Variants in KDM2B observed in about 807,000 individuals in gnomAD.
KDM2B encodes lysine demethylase 2B.
KDM2B carries 26 observed loss-of-function variants against 150.0 expected under a neutral mutation model. The ratio of observed to expected loss-of-function variants is 0.17; its 90% confidence interval spans 0.13 to 0.24. The LOEUF (loss-of-function observed/expected upper bound fraction) is 0.24, where lower values mean the gene tolerates loss of function less well. Ranked by LOEUF, KDM2B falls within the 10% of genes least tolerant of loss-of-function variation. KDM2B has a pLI of 1.00. For missense variants in KDM2B, 1,265 were observed against 1,816.9 expected, an observed-to-expected ratio of 0.70 and a Z score of 5.52; for synonymous variants, 734 against 729.5, an observed-to-expected ratio of 1.01 and a Z score of -0.10.
chr12:121,560,569 G>A (rs1890261765), intron 4 of KDM2B, among the ~76,000 whole-genome samples: 1 of 151,960 alleles, frequency 6.6e-6, no homozygotes, highest in Non-Finnish European at 1.5e-5. Flanking sequence ...TTTCCCAGGG[G>A]CGAGGCACTG....
chr12:121,460,571 TTTTC>T (rs1351565976), intron 12 of KDM2B, among the ~76,000 whole-genome samples: 1 of 152,156 alleles, frequency 6.6e-6, no homozygotes, highest in Non-Finnish European at 1.5e-5. Flanking sequence ...CTAATTTTTA[TTTTC>T]TTTTTCTTTT....
rs1884524176 is a variant in KDM2B, at chr12:121,501,339, A to T, written c.1648-6674T>A. Among the ~76,000 whole-genome samples, 4 of 152,116 alleles carry T rather than the reference A, an allele frequency of 2.6e-5. No homozygotes were observed. In the South Asian group the frequency reaches 8.3e-4, roughly 32 times the overall value. On this transcript the variant is annotated intron_variant, in intron 11 of 22. Transcript: ENST00000377071. ...TGTTGCAGCAAGCCAAGATCACGTC[A>T]CTGCACTCCATCCAGCCTGTGCCAC...
At chr12:121,516,243 C>T (rs562285417) in intron 9 of KDM2B, 6 of 311,798 alleles carry the variant, frequency 1.9e-5, no homozygotes, top group Admixed American at 4.7e-5. Flanking sequence ...CCATTCTGCT[C>T]GGACACCATG....
intron 12 of KDM2B, among the ~76,000 whole-genome samples, chr12:121,483,701 AAAAC>A (rs782610363): frequency 9.0e-5 from 12 of 132,608 alleles, no homozygotes; most frequent in Non-Finnish European, 1.2e-4. Flanking sequence ...AACAACAAAA[AAAAC>A]AAACAACAAC....
intron 1 of KDM2B, among the ~76,000 whole-genome samples, chr12:121,579,216 G>C (rs1891746490): frequency 6.6e-6 from 1 of 152,220 alleles, no homozygotes; most frequent in Admixed American, 6.5e-5. Context: ...ACCCTCCCCT[G>C]CCCCCCGCCC....
At chr12:121,436,666 AAAG>A (rs539775511) in intron 22 of KDM2B, among the ~76,000 whole-genome samples, 173 of 152,154 alleles carry the variant, frequency 1.1e-3, no homozygotes, top group Non-Finnish European at 3.5e-4. Context: ...GGAAGTTAAG[AAAG>A]AAGAAGTTTT....
At chr12:121,423,665 G>T in the KDM2B span, 1 of 1,109,742 alleles carries the variant, frequency 9.0e-7, no homozygotes, top group South Asian at 1.5e-5. The surrounding 1 kb of genome is among the most constrained non-coding windows in gnomAD (Gnocchi z 4.3). Flanking sequence ...ATGTTCAAAG[G>T]CTGAAGCTAT....
At chr12:121,499,405 G>A (rs531672612) in intron 11 of KDM2B, among the ~76,000 whole-genome samples, 1 of 151,660 alleles carries the variant, frequency 6.6e-6, no homozygotes, top group Non-Finnish European at 1.5e-5. Context: ...ATAGGCGTGA[G>A]CCACCACACC....
At position 121,509,775 on chromosome 12, in the gene KDM2B, C is replaced by A. The variant is rs782034197; in HGVS notation, c.1439G>T (p.Ser480Ile). ...KRTLSNESEE[S>I]VKSTTLAVDY... ...TACGGCCAATGTGGTGGACTTCACA[C>A]TTTCCTCCGACTCATTAGACAAAGT... Residue 480 changes from serine (S) to isoleucine (I), a missense_variant, in exon 11 of 23, where the codon AGT becomes ATT. Around this residue, in one of 11 missense-constraint regions of KDM2B, gnomAD observed 154 missense variants for 162.5 expected, o/e 0.95. Transcript: ENST00000377071. 1 of 1,614,146 alleles carries A rather than the reference C, an allele frequency of 6.2e-7. No individual in the cohort carries two copies. Among genetic ancestry groups the A allele is most frequent in the Non-Finnish European group, 8.5e-7 (1 of 1,180,040 alleles).
At chr12:121,466,289 T>C (rs1879906183) in intron 12 of KDM2B, among the ~76,000 whole-genome samples, 1 of 152,234 alleles carries the variant, frequency 6.6e-6, no homozygotes, top group South Asian at 2.1e-4. Context: ...CAGGTCTACC[T>C]GGCCTGCGTC....
chr12:121,447,968 T>C (rs1272261045), intron 13 of KDM2B, among the ~76,000 whole-genome samples: 5 of 152,126 alleles, frequency 3.3e-5, no homozygotes, highest in Admixed American at 3.3e-4. Context: ...AAATATGTTA[T>C]TTCTATTAAC....
In KDM2B at chr12:121,440,763, C is replaced by G. The variant is rs1040456229; in HGVS notation, c.3610+53G>C. The G allele has an allele frequency of 7.3e-6, 11 of 1,507,160 alleles. No homozygotes were observed. The African/African-American group carries it at 1.2e-4, about 17-fold the overall frequency. 93.4% of individuals were successfully genotyped at this position (1,507,160 alleles called of 1,614,324 possible). A position where few individuals can be genotyped will look rare whatever the true frequency, so the allele number is the denominator to read the frequency against. The stretch of plus-strand genomic sequence containing the variant: ...GGTCTGAGGGTAAAAGCAGATCCAA[C>G]AGTCTAGCTCGCTCACCCCACCCCC... On this transcript the variant is annotated intron_variant, in intron 21 of 22. Transcript: ENST00000377071.
Position 121,443,759 on chromosome 12 carries a change from G to C in KDM2B, c.2486C>G (p.Ser829Cys), listed in dbSNP as rs1555289241. Residue 829 changes from serine to cysteine, a missense_variant, in exon 17 of 23, where the codon TCT (serine) becomes TGT (cysteine). Transcript: ENST00000377071. ...SSLQTSPGSS[S>C]HLSPRPPLGS... ...TAGAGGGGGCCTCGGCGAGAGGTGA[G>C]AGGAGGAACCGGGGGACGTTTGAAG... The C allele has an allele frequency of 6.2e-7, 1 of 1,610,006 alleles. No individual in the cohort carries two copies. The highest frequency in any genetic ancestry group is 2.2e-5 in the East Asian group (1 of 44,884).
intron 8 of KDM2B, among the ~76,000 whole-genome samples, chr12:121,522,891 A>G (rs1490282680): frequency 3.3e-5 from 5 of 152,162 alleles, no homozygotes; most frequent in African/African-American, 1.2e-4. Context: ...AAATGAAGTC[A>G]CCTATCAGGA....
chr12:121,560,653 A>T (rs2136239480), intron 4 of KDM2B, among the ~76,000 whole-genome samples: 1 of 152,056 alleles, frequency 6.6e-6, no homozygotes, highest in Non-Finnish European at 1.5e-5. Context: ...CAGTGGGGGC[A>T]GAGGAAGAGA....
intron 11 of KDM2B, 55 bp from the exon 12 acceptor site, chr12:121,494,720 G>T: frequency 7.2e-7 from 1 of 1,398,350 alleles, no homozygotes; most frequent in Non-Finnish European, 9.9e-7. Context: ...GGTCTCTGAA[G>T]ACAGCTGAAC....
In KDM2B at chr12:121,520,294, T is replaced by TC. The variant is rs1316544728; in HGVS notation, c.1047+690dup. Among the ~76,000 whole-genome samples the TC allele has an allele frequency of 6.6e-6, 1 of 152,114 alleles. No homozygotes were observed. The highest frequency in any genetic ancestry group is 1.5e-5 in the Non-Finnish European group (1 of 68,022). On this transcript the variant is annotated intron_variant, in intron 9 of 22. Coordinates refer to ENST00000377071, the MANE Select transcript of KDM2B (RefSeq NM_032590.5). The surrounding 1 kb of genome is among the most constrained non-coding windows in gnomAD (Gnocchi z 4.5). ...GGCCATGGCAAGTTCAGGCCACTTG[T>TC]CCTTTTCAGGGGACACTTGTGGAGC...
intron 22 of KDM2B, among the ~76,000 whole-genome samples, chr12:121,433,784 T>C (rs1873465716): frequency 6.6e-6 from 1 of 152,150 alleles, no homozygotes; most frequent in Non-Finnish European, 1.5e-5. Context: ...AAGAACAAAG[T>C]TGAAGAACTT....
chr12:121,494,358 G>C (rs1299356668), intron 12 of KDM2B: 1 of 475,114 alleles, frequency 2.1e-6, no homozygotes, highest in South Asian at 2.6e-5. Flanking sequence ...AGTTTTCCAA[G>C]TGACCACCAG....
Sources: gnomAD v4.1 joint callset for allele counts (sites outside exome capture counted in the v4.1 genomes callset) on GRCh38, gnomAD v4.1.1 for gene constraint, gnomAD v4.1.1 regional missense constraint, Gnocchi (gnomAD v3.1) non-coding constraint, MANE v1.5 for transcripts, NCBI Gene and HGNC (gene_info 2026-07-23, HGNC 2026-07-21) for gene names.